The following WDR64 variants were observed in gnomAD, a reference collection of about 807,000 sequenced individuals.
The protein encoded by WDR64 is WD repeat-containing protein 64.
WDR64 carries 112 observed loss-of-function variants against 139.3 expected under a neutral mutation model. The ratio of observed to expected loss-of-function variants is 0.80; its 90% CI spans 0.69 to 0.94. The LOEUF (loss-of-function observed/expected upper bound fraction) is 0.94. WDR64 is among the 40% of genes least tolerant of loss of function. The probability of loss-of-function intolerance (pLI) is 0.00; values close to 1 mark genes in which losing one functional copy is unlikely to be tolerated. For missense variants in WDR64, 1,206 were observed against 1,293.1 expected (o/e 0.93, Z 1.03); for synonymous variants, 444 against 437.7 (o/e 1.01, Z -0.18).
chr1:241,781,047 T>C (rs900862684), intron 22 of WDR64, among the ~76,000 whole-genome samples: 1 of 152,168 alleles, frequency 6.6e-6, no homozygotes, highest in African/African-American at 2.4e-5. Context: ...GAACCATATA[T>C]AGGTGAAAAG....
intron 4 of WDR64, among the ~76,000 whole-genome samples, chr1:241,675,005 CTT>C (rs1463941505): frequency 1.7e-4 from 7 of 41,082 alleles, no homozygotes; most frequent in East Asian, 1.0e-3. Flanking sequence ...CCCTCCCTCT[CTT>C]CCTTCCTTTC....
At chr1:241,677,687 C>T (rs1666607278) in intron 4 of WDR64, among the ~76,000 whole-genome samples, 1 of 152,146 alleles carries the variant, frequency 6.6e-6, no homozygotes, top group Admixed American at 6.5e-5. Context: ...TAGGTGCTTA[C>T]TGAATAAAAG....
intron 8 of WDR64, among the ~76,000 whole-genome samples, chr1:241,704,748 C>T (rs1182907482): frequency 6.6e-6 from 1 of 152,166 alleles, no homozygotes; most frequent in Non-Finnish European, 1.5e-5. Flanking sequence ...TAGATTTGCT[C>T]ATAATCAGTT....
intron 4 of WDR64, 38 bp from the exon 5 acceptor site, chr1:241,678,149 G>A: frequency 2.5e-6 from 1 of 398,806 alleles, no homozygotes; most frequent in Non-Finnish European, 4.4e-6. Flanking sequence ...TAATGGTAGT[G>A]CCAACTAGGT....
intron 9 of WDR64, among the ~76,000 whole-genome samples, chr1:241,718,663 C>T (rs1668490518): frequency 6.6e-6 from 1 of 152,088 alleles, no homozygotes. Context: ...ATGTTTTAGC[C>T]AACTTGAGCT....
At chr1:241,687,021 T>G (rs548767575) in intron 7 of WDR64, among the ~76,000 whole-genome samples, 1 of 152,174 alleles carries the variant, frequency 6.6e-6, no homozygotes, top group African/African-American at 2.4e-5. Context: ...CAGTTAAAAG[T>G]GGGCCAGGTG....
At chr1:241,700,829 A>G (rs1667684162) in intron 8 of WDR64, among the ~76,000 whole-genome samples, 1 of 152,224 alleles carries the variant, frequency 6.6e-6, no homozygotes, top group African/African-American at 2.4e-5. Flanking sequence ...ATACAAATGG[A>G]AAGTATTATT....
intron 2 of WDR64, among the ~76,000 whole-genome samples, chr1:241,662,264 C>T (rs1453607065): frequency 1.3e-5 from 2 of 152,136 alleles, no homozygotes; most frequent in Non-Finnish European, 2.9e-5. Context: ...CACTGGGTCC[C>T]TCTGCTCGGG....
chr1:241,782,251 G>A (rs1353197219), intron 22 of WDR64, among the ~76,000 whole-genome samples: 2 of 152,212 alleles, frequency 1.3e-5, no homozygotes, highest in South Asian at 2.1e-4. Flanking sequence ...TCGCGCCACC[G>A]CACTGCAGCC....
chr1:241,736,384 T>C (rs1401618780), intron 10 of WDR64, among the ~76,000 whole-genome samples: 1 of 148,430 alleles, frequency 6.7e-6, no homozygotes, highest in Non-Finnish European at 1.5e-5. Flanking sequence ...TATTCTGACC[T>C]GAACTCTTTA....
chr1:241,655,887 T>C (rs1338612038), intron 1 of WDR64, among the ~76,000 whole-genome samples: 1 of 152,186 alleles, frequency 6.6e-6, no homozygotes, highest in African/African-American at 2.4e-5. Context: ...TTGATATTAA[T>C]GTGTTCATTC....
At chr1:241,754,786 G>C (rs907620196) in intron 14 of WDR64, among the ~76,000 whole-genome samples, 2 of 146,328 alleles carry the variant, frequency 1.4e-5, no homozygotes, top group Non-Finnish European at 3.0e-5. Flanking sequence ...TGTTCTCATT[G>C]TTCAACTCCC....
intron 8 of WDR64, among the ~76,000 whole-genome samples, chr1:241,707,619 A>G (rs1215705609): frequency 6.6e-6 from 1 of 152,020 alleles, no homozygotes; most frequent in Non-Finnish European, 1.5e-5. Flanking sequence ...AAGTATGATG[A>G]ATTATGAGAG....
At chr1:241,692,380 ACAAGT>A (rs1417069895) in intron 8 of WDR64, among the ~76,000 whole-genome samples, 1 of 152,260 alleles carries the variant, frequency 6.6e-6, no homozygotes, top group African/African-American at 2.4e-5. Context: ...CATAGGACTG[ACAAGT>A]CAAGACATAA....
At position 241,678,746 on chromosome 1, in the gene WDR64, A is replaced by G. The variant is rs76902797; in HGVS notation, c.513+530A>G. Among the ~76,000 whole-genome samples, 1,489 of 150,646 alleles carry G rather than the reference A, an allele frequency of 9.9e-3. 23 individuals are homozygous for G. The highest frequency in any genetic ancestry group is 0.034 in the African/African-American group (1,404 of 41,058). ...TTTACGAGAGCTGGGAGAATGCTGG[A>G]CTTTTTCATTGCTTGCATGCACTGA... On this transcript the variant is annotated intron_variant, in intron 5 of 27. Transcript: ENST00000437684.
At position 241,800,989 on chromosome 1, in the gene WDR64, T is replaced by C. The variant is rs1445807229; in HGVS notation, c.3193-143T>C. The C allele has an allele frequency of 1.4e-5, 9 of 635,230 alleles. No individual in the cohort carries two copies. The East Asian group carries it at 2.2e-4, about 15-fold the overall frequency. The allele number at this position is 635,230 out of a possible 1,614,324, so 39.3% of individuals were successfully genotyped here. ...AACATACTTTTATCCTGAAGTCACATAGGATTGTTAAGTAAATAACTATTC... is the reference window on the plus strand; with the variant it reads ...AACATACTTTTATCCTGAAGTCACACAGGATTGTTAAGTAAATAACTATTC... On this transcript the variant is annotated intron_variant, in intron 27 of 27. Coordinates refer to ENST00000437684, the MANE Select transcript of WDR64 (RefSeq NM_001367482.1).
intron 2 of WDR64, among the ~76,000 whole-genome samples, chr1:241,662,969 A>T (rs1279582851): frequency 6.6e-6 from 1 of 152,194 alleles, no homozygotes. Context: ...TTCTACCAAG[A>T]ATATCCAATA....
At chr1:241,770,257 A>G (rs1658377752) in intron 17 of WDR64, among the ~76,000 whole-genome samples, 1 of 152,156 alleles carries the variant, frequency 6.6e-6, no homozygotes, top group African/African-American at 2.4e-5. Context: ...AGAACTAGAC[A>G]TTGTCAAGCA....
chr1:241,761,965 T>C (rs1167834397), intron 15 of WDR64, among the ~76,000 whole-genome samples: 1 of 152,232 alleles, frequency 6.6e-6, no homozygotes, highest in Non-Finnish European at 1.5e-5. Context: ...CTTTGAGGGT[T>C]AGAATCCTCT....
Sources: gnomAD v4.1 joint callset for allele counts (sites outside exome capture counted in the v4.1 genomes callset) on GRCh38, gnomAD v4.1.1 for gene constraint, MANE v1.5 for transcripts, NCBI Gene and HGNC (gene_info 2026-07-23, HGNC 2026-07-21) for gene names.